Variants in FAM171B observed in about 807,000 individuals in gnomAD.
FAM171B encodes family with sequence similarity 171 member B.
FAM171B carries 19 observed loss-of-function variants against 75.6 expected under a neutral mutation model. The observed-to-expected ratio is 0.25, with a 90% CI of 0.18 to 0.37. The LOEUF is 0.37. Ranked by LOEUF, FAM171B falls within the 10% of genes least tolerant of loss-of-function variation. The pLI is 1.00. For missense variants in FAM171B, 848 were observed against 982.4 expected (o/e 0.86, Z 1.83); for synonymous variants, 367 against 361.7 (o/e 1.01, Z -0.17).
chr2:186,705,694 G>A (rs2105772457), intron 1 of FAM171B, among the ~76,000 whole-genome samples: 1 of 152,104 alleles, frequency 6.6e-6, no homozygotes, highest in African/African-American at 2.4e-5. Context: ...AAGGTTTTTT[G>A]TTGTTGTTAT....
intron 1 of FAM171B, among the ~76,000 whole-genome samples, chr2:186,716,008 C>T (rs533118986): frequency 6.6e-6 from 1 of 151,914 alleles, no homozygotes; most frequent in African/African-American, 2.4e-5. Flanking sequence ...TTTGTCTCTC[C>T]CTCTTTTTAA....
At chr2:186,713,721 G>C (rs1183503511) in intron 1 of FAM171B, among the ~76,000 whole-genome samples, 1 of 152,110 alleles carries the variant, frequency 6.6e-6, no homozygotes, top group Admixed American at 6.5e-5. Flanking sequence ...TAAAATTACT[G>C]TTTTTCTTTT....
rs146295748 is a variant in FAM171B, at chr2:186,712,286, T to TA, written c.238+17877dup. Reference sequence around the variant, plus strand: ...TATCTAAGTGCATTGCTATGAAACATAATCTCTCATTCTGCCTTTTTCTTT... The same window carrying TA: ...TATCTAAGTGCATTGCTATGAAACATAAATCTCTCATTCTGCCTTTTTCTTT... On this transcript the variant is annotated intron_variant, in intron 1 of 7. Coordinates refer to ENST00000304698, the MANE Select transcript of FAM171B (RefSeq NM_177454.4). 7.4e-3 allele frequency among the ~76,000 whole-genome samples: 1,129 copies of TA among 152,286 alleles called. 8 individuals carry two copies. The highest frequency in any genetic ancestry group is 0.016 in the South Asian group (78 of 4,830).
chr2:186,743,206 C>T (rs1400328496), intron 2 of FAM171B, among the ~76,000 whole-genome samples: 5 of 152,134 alleles, frequency 3.3e-5, no homozygotes, highest in Non-Finnish European at 7.4e-5. Context: ...GGTTACAGAA[C>T]ATCATTCATC....
intron 1 of FAM171B, among the ~76,000 whole-genome samples, chr2:186,705,802 G>A (rs935090912): frequency 3.9e-5 from 6 of 152,226 alleles, no homozygotes; most frequent in African/African-American, 9.6e-5. Context: ...TGCTTAGAAC[G>A]CATGTATCTC....
In FAM171B at chr2:186,751,302, C is replaced by A; in HGVS notation, c.893C>A (p.Thr298Lys). ...RIPAWTFDMN[T>K]GAWVNHGRGM... is the part of the protein sequence containing the mutation. Reference sequence around the variant, plus strand: ...CCTGCTTGGACATTTGATATGAACACAGGTATGTGAGCTAGGTTAAAATAG... The same window carrying A: ...CCTGCTTGGACATTTGATATGAACAAAGGTATGTGAGCTAGGTTAAAATAG... Residue 298 changes from threonine (T) to lysine (K), a missense_variant and splice_region_variant, in exon 5 of 8, where the codon ACA becomes AAA. Transcript: ENST00000304698. 6.4e-7 allele frequency: 1 copy of A among 1,562,960 alleles called. No individual in the cohort carries two copies. The highest frequency in any genetic ancestry group is 8.7e-7 in the Non-Finnish European group (1 of 1,149,178).
At chr2:186,729,468 G>A (rs1422712803) in intron 1 of FAM171B, among the ~76,000 whole-genome samples, 1 of 152,054 alleles carries the variant, frequency 6.6e-6, no homozygotes, top group African/African-American at 2.4e-5. Context: ...ACTGGTAGAG[G>A]ATTATTAGGG....
chr2:186,696,995 A>AATGGATGGATGG (rs776357355), intron 1 of FAM171B, among the ~76,000 whole-genome samples: 9 of 99,236 alleles, frequency 9.1e-5, no homozygotes, highest in East Asian at 2.3e-4. Context: ...CCATTTGTTG[A>AATGGATGGATGG]ATGGATGGAC....
chr2:186,720,558 A>T (rs2105778576), intron 1 of FAM171B, among the ~76,000 whole-genome samples: 1 of 152,300 alleles, frequency 6.6e-6, no homozygotes, highest in East Asian at 1.9e-4. Context: ...TATGATCTGA[A>T]TTTTGTAGGT....
chr2:186,698,888 G>A (rs1689617241), intron 1 of FAM171B, among the ~76,000 whole-genome samples: 1 of 152,126 alleles, frequency 6.6e-6, no homozygotes, highest in South Asian at 2.1e-4. Flanking sequence ...AATATGCAAA[G>A]TTTGTCTGTG....
chr2:186,704,789 A>G (rs1375691297), intron 1 of FAM171B, among the ~76,000 whole-genome samples: 1 of 152,218 alleles, frequency 6.6e-6, no homozygotes, highest in Non-Finnish European at 1.5e-5. Flanking sequence ...AAGTCTATGC[A>G]TCGATAAAGC....
At position 186,756,170 on chromosome 2, in the gene FAM171B, TATTTGTTGGAAAAG is replaced by T. The variant is rs575537190; in HGVS notation, c.1012+2124_1012+2137del. On this transcript the variant is annotated intron_variant, in intron 6 of 7. Transcript: ENST00000304698. ...ACCACATGGAAGTTCTGTTCCAGATTATTTGTTGGAAAAGATGTTGTTTGGATGAGTACTAAAAT... is the reference window on the plus strand; with the variant it reads ...ACCACATGGAAGTTCTGTTCCAGATTATGTTGTTTGGATGAGTACTAAAAT... Among the ~76,000 whole-genome samples the T allele has an allele frequency of 8.1e-3, 876 of 108,000 alleles. 6 individuals carry two copies. Among genetic ancestry groups the T allele is most frequent in the Non-Finnish European group, 0.014 (632 of 46,754 alleles). The allele number at this position is 108,000 out of a possible 152,430, so 70.9% of individuals were successfully genotyped here. A position where few individuals can be genotyped will look rare whatever the true frequency, so the allele number is the denominator to read the frequency against.
rs554959001 is a variant in FAM171B at position 186,716,397 on chromosome 2, C to T, written c.238+21986C>T. Among the ~76,000 whole-genome samples, 6 of 152,288 alleles carry T rather than the reference C, an allele frequency of 3.9e-5. No homozygotes were observed. The East Asian group carries it at 9.6e-4, about 24-fold the overall frequency. On this transcript the variant is annotated intron_variant, in intron 1 of 7. Transcript: ENST00000304698. Reference sequence around the variant, plus strand: ...TTCCTTCCTTACCCAGAATTAATCACTGTCTTGAATTGGTGTCAGTCATTT... The same window carrying T: ...TTCCTTCCTTACCCAGAATTAATCATTGTCTTGAATTGGTGTCAGTCATTT...
At chr2:186,701,536 T>A (rs1689661179) in intron 1 of FAM171B, among the ~76,000 whole-genome samples, 1 of 152,156 alleles carries the variant, frequency 6.6e-6, no homozygotes, top group African/African-American at 2.4e-5. Flanking sequence ...AAATCTCCCA[T>A]CCATGAAAGC....
At chr2:186,714,120 A>AT (rs1689844777) in intron 1 of FAM171B, among the ~76,000 whole-genome samples, 2 of 30,742 alleles carry the variant, frequency 6.5e-5, no homozygotes, top group South Asian at 4.6e-3. Flanking sequence ...CAGCAGATGA[A>AT]ATTTTTTTTT....
chr2:186,703,102 A>C (rs77381895), intron 1 of FAM171B, among the ~76,000 whole-genome samples: 102 of 128,034 alleles, frequency 8.0e-4, no homozygotes, highest in African/African-American at 3.0e-3. Context: ...CACACACACA[A>C]AAGATCTCAC....
intron 1 of FAM171B, among the ~76,000 whole-genome samples, chr2:186,706,791 C>A (rs538065937): frequency 6.6e-6 from 1 of 152,230 alleles, no homozygotes; most frequent in East Asian, 1.9e-4. Flanking sequence ...CAATTTACTC[C>A]CCTTTCTTCT....
At chr2:186,728,500 T>C (rs1467167064) in intron 1 of FAM171B, among the ~76,000 whole-genome samples, 2 of 152,216 alleles carry the variant, frequency 1.3e-5, no homozygotes, top group African/African-American at 4.8e-5. Context: ...AAATGAACAT[T>C]TCTATTGTTT....
chr2:186,722,553 G>C (rs919148299), intron 1 of FAM171B, among the ~76,000 whole-genome samples: 1 of 152,128 alleles, frequency 6.6e-6, no homozygotes, highest in Non-Finnish European at 1.5e-5. Context: ...ATGATACAGT[G>C]ATCAAGTTTT....
Sources: allele counts gnomAD v4.1 joint callset (sites outside exome capture counted in the v4.1 genomes callset), GRCh38; gene constraint gnomAD v4.1.1; transcripts MANE v1.5; gene names NCBI Gene and HGNC (gene_info 2026-07-23, HGNC 2026-07-21).